IGF1R: variants seen among roughly 807,000 people sequenced by gnomAD.
IGF1R encodes insulin-like growth factor 1 receptor.
IGF1R carries 44 observed loss-of-function variants against 144.6 expected under a neutral mutation model. That is an observed-to-expected ratio of 0.30 (90% CI 0.24 to 0.39). The LOEUF (loss-of-function observed/expected upper bound fraction) is 0.39, where lower values mean the gene tolerates loss of function less well. Among genes scored for constraint, IGF1R ranks in the 10% least tolerant of loss-of-function variants. The probability of loss-of-function intolerance (pLI) is 1.00; values close to 1 mark genes in which losing one functional copy is unlikely to be tolerated. For missense variants in IGF1R, 1,355 were observed against 1,833.7 expected (o/e 0.74, Z 4.77); for synonymous variants, 795 against 722.8 (o/e 1.10, Z -1.60).
At chr15:98,956,206 G>A (rs1167199072) in intron 20 of IGF1R, among the ~76,000 whole-genome samples, 4 of 152,248 alleles carry the variant, frequency 2.6e-5, no homozygotes, top group Admixed American at 1.3e-4. Flanking sequence ...TGCTCCATGT[G>A]ACTCTGAGGG....
chr15:98,699,487 A>G (rs1186865939), intron 1 of IGF1R, among the ~76,000 whole-genome samples: 1 of 152,210 alleles, frequency 6.6e-6, no homozygotes, highest in African/African-American at 2.4e-5. Context: ...TGAGAAAGGC[A>G]TTTGGAGTAA....
chr15:98,955,205 G>A (rs932170213), intron 20 of IGF1R, among the ~76,000 whole-genome samples: 3 of 152,202 alleles, frequency 2.0e-5, no homozygotes, highest in Non-Finnish European at 2.9e-5. Context: ...GGCACCTAGC[G>A]TGCACATGGC....
At chr15:98,852,443 C>T (rs759527866) in intron 2 of IGF1R, among the ~76,000 whole-genome samples, 4 of 152,250 alleles carry the variant, frequency 2.6e-5, no homozygotes, top group Non-Finnish European at 2.9e-5. Flanking sequence ...CGGCCAATCG[C>T]TGCGTTGGGA....
At chr15:98,706,960 T>C (rs2053879263) in intron 1 of IGF1R, among the ~76,000 whole-genome samples, 1 of 152,210 alleles carries the variant, frequency 6.6e-6, no homozygotes, top group Non-Finnish European at 1.5e-5. Flanking sequence ...GGTTATCCTT[T>C]ATGTCTACAT....
intron 5 of IGF1R, among the ~76,000 whole-genome samples, chr15:98,899,841 C>G (rs562965595): frequency 7.2e-4 from 110 of 152,174 alleles, no homozygotes; most frequent in Non-Finnish European, 1.2e-3. Context: ...ATCACCCTTA[C>G]TGGATTTTGC....
At chr15:98,852,348 C>A (rs2011565428) in intron 2 of IGF1R, among the ~76,000 whole-genome samples, 2 of 152,290 alleles carry the variant, frequency 1.3e-5, no homozygotes, top group African/African-American at 4.8e-5. Context: ...GGGCACCCCG[C>A]GCCCGCGCCG....
rs1243007016 is a variant in IGF1R at position 98,707,718 on chromosome 15, A to G, written c.251A>G (p.Tyr84Cys). ...RFPKLTVITE[Y>C]LLLFRVAGLE... ...CCCAAGCTCACGGTCATTACCGAGT[A>G]CTTGCTGCTGTTCCGAGTGGCTGGC... Residue 84 changes from tyrosine (Y) to cysteine (C), a missense_variant, in exon 2 of 21, where the codon TAC becomes TGC. Around this residue, in one of 7 missense-constraint regions of IGF1R, gnomAD observed 75 missense variants for 160.0 expected, o/e 0.47. Transcript: ENST00000650285. This position sits in a 1 kb window ranked among gnomAD's most constrained non-coding sequence, Gnocchi z 6.7. The G allele has an allele frequency of 6.2e-7, 1 of 1,614,116 alleles. No homozygotes were observed.
intron 20 of IGF1R, 100 bp from the exon 21 acceptor site, chr15:98,956,961 G>A (rs966988204): frequency 7.4e-5 from 99 of 1,329,334 alleles, no homozygotes; most frequent in South Asian, 2.0e-4. Context: ...TGCTCCCGCC[G>A]TACGCTTGTA....
intron 1 of IGF1R, among the ~76,000 whole-genome samples, chr15:98,652,702 G>T (rs11247359): frequency 1.3e-5 from 2 of 152,130 alleles, no homozygotes; most frequent in African/African-American, 2.4e-5. Context: ...GAAATGTCTA[G>T]AATAAACAAA....
intron 1 of IGF1R, among the ~76,000 whole-genome samples, chr15:98,661,956 CT>C (rs869208651): frequency 0.02 from 2,084 of 105,166 alleles, 12 homozygotes; most frequent in Non-Finnish European, 0.025. Context: ...GAATAGGGCC[CT>C]TTTTTTTTTT....
At chr15:98,737,107 T>A (rs960975277) in intron 2 of IGF1R, among the ~76,000 whole-genome samples, 3 of 152,210 alleles carry the variant, frequency 2.0e-5, no homozygotes, top group African/African-American at 7.2e-5. Flanking sequence ...GGACACCCCC[T>A]CTACAGGGAC....
At chr15:98,837,375 G>A (rs538821638) in intron 2 of IGF1R, among the ~76,000 whole-genome samples, 9 of 152,246 alleles carry the variant, frequency 5.9e-5, no homozygotes, top group Admixed American at 5.9e-4. Context: ...CCAAGTAGCT[G>A]GGATTACAGG....
intron 2 of IGF1R, among the ~76,000 whole-genome samples, chr15:98,854,197 ACT>A (rs1198730806): frequency 1.3e-5 from 2 of 151,978 alleles, no homozygotes; most frequent in African/African-American, 4.8e-5. Context: ...GGGCATCATG[ACT>A]CTCTTATGAA....
chr15:98,662,509 C>G (rs983951442), intron 1 of IGF1R, among the ~76,000 whole-genome samples: 2 of 151,724 alleles, frequency 1.3e-5, no homozygotes. Context: ...TTTCTGATAT[C>G]TAGATTATTT....
Position 98,790,823 on chromosome 15 carries a change from A to G in IGF1R, c.640+82716A>G, listed in dbSNP as rs1044186585. 3.3e-5 allele frequency among the ~76,000 whole-genome samples: 5 copies of G among 152,204 alleles called. No individual in the cohort carries two copies. In the South Asian group the frequency reaches 1.0e-3, roughly 32 times the overall value. On this transcript the variant is annotated intron_variant, in intron 2 of 20. Transcript: ENST00000650285. ...GACTCAGTAGGTAAATGGACTAAAC[A>G]CACATTCATTTAGGGCAGGAAGAAC...
chr15:98,895,045 T>C (rs560781632), intron 3 of IGF1R, among the ~76,000 whole-genome samples: 1 of 145,460 alleles, frequency 6.9e-6, no homozygotes, highest in South Asian at 2.2e-4. Context: ...AGACAGATTG[T>C]AGACATGGAA....
intron 1 of IGF1R, among the ~76,000 whole-genome samples, chr15:98,705,158 G>C (rs768325794): frequency 6.6e-6 from 1 of 152,154 alleles, no homozygotes; most frequent in Non-Finnish European, 1.5e-5. Flanking sequence ...CAGAGGAAAA[G>C]GTTGAGGATA....
chr15:98,873,362 C>T (rs577344137), intron 2 of IGF1R, among the ~76,000 whole-genome samples: 5 of 152,256 alleles, frequency 3.3e-5, no homozygotes, highest in African/African-American at 9.6e-5. Context: ...TGATGGCCAT[C>T]CTAGTCCAGT....
At chr15:98,801,148 C>A (rs899536804) in intron 2 of IGF1R, among the ~76,000 whole-genome samples, 37 of 152,184 alleles carry the variant, frequency 2.4e-4, no homozygotes, top group African/African-American at 8.9e-4. Flanking sequence ...TGGCCTCCCT[C>A]TCCCCAACCT....
Sources: gnomAD v4.1 joint callset for allele counts (sites outside exome capture counted in the v4.1 genomes callset) on GRCh38, gnomAD v4.1.1 for gene constraint, gnomAD v4.1.1 regional missense constraint, Gnocchi (gnomAD v3.1) non-coding constraint, MANE v1.5 for transcripts, NCBI Gene and HGNC (gene_info 2026-07-23, HGNC 2026-07-21) for gene names.